ADAM7: variants seen among roughly 807,000 people sequenced by gnomAD.
The protein encoded by ADAM7 is ADAM metallopeptidase domain 7.
Under a neutral mutation model 102.9 loss-of-function variants are expected in ADAM7, and 97 were observed. The observed-to-expected ratio is 0.94, with a 90% confidence interval of 0.80 to 1.12. The LOEUF (loss-of-function observed/expected upper bound fraction) is 1.12, where lower values mean the gene tolerates loss of function less well. Ranked by LOEUF, ADAM7 falls within the 50% of genes most tolerant of loss-of-function variation. The pLI is 0.00. For missense variants in ADAM7, 991 were observed against 908.7 expected (o/e 1.09, Z -1.16); for synonymous variants, 334 against 304.4 (o/e 1.10, Z -1.01).
intron 15 of ADAM7, 98 bp from the exon 16 acceptor site, chr8:24,492,945 T>A: frequency 7.8e-7 from 1 of 1,275,998 alleles, no homozygotes; most frequent in Non-Finnish European, 1.1e-6. Context: ...GCAAGAAACC[T>A]GGATCTAGAA....
At chr8:24,506,211 T>A in intron 20 of ADAM7, 1 of 1,338,582 alleles carries the variant, frequency 7.5e-7, no homozygotes, top group Non-Finnish European at 1.0e-6. Context: ...CCAATAATAA[T>A]TTTCATGAAA....
Position 24,492,539 on chromosome 8 carries a change from G to A in ADAM7, c.1597G>A (p.Gly533Arg), listed in dbSNP as rs1275917964. Residue 533 changes from glycine to arginine, a missense_variant, in exon 15 of 22, where the codon GGA (glycine) becomes AGA (arginine). Coordinates refer to ENST00000175238, the MANE Select transcript of ADAM7 (RefSeq NM_003817.4). ...HDICYKMNTK[G>R]NKFGYCKNKE... ...TATCTGCTACAAGATGAATACAAAA[G>A]GAAATAAATTTGGATACTGCAAAAA... 1.9e-6 allele frequency: 3 copies of A among 1,612,622 alleles called. No homozygotes were observed. The highest frequency in any genetic ancestry group is 1.7e-4 in the Middle Eastern group (1 of 6,004).
At chr8:24,469,581 A>G (rs1176135723) in intron 7 of ADAM7, among the ~76,000 whole-genome samples, 3 of 152,158 alleles carry the variant, frequency 2.0e-5, no homozygotes, top group Admixed American at 6.6e-5. Flanking sequence ...CAATAATCCA[A>G]GATAAAATGA....
chr8:24,493,260 C>T, intron 16 of ADAM7, 31 bp downstream of exon 16: 2 of 1,533,238 alleles, frequency 1.3e-6, no homozygotes, highest in Non-Finnish European at 1.7e-6. Flanking sequence ...TTTATTAAAA[C>T]TTCTTAGTTC....
At position 24,500,824 on chromosome 8, in the gene ADAM7, TA is replaced by T; in HGVS notation, c.2038del (p.Ile680LeufsTer10). 4 of 1,613,488 alleles carry T rather than the reference TA, an allele frequency of 2.5e-6. No homozygotes were observed. Among genetic ancestry groups the T allele is most frequent in the Non-Finnish European group, 3.4e-6 (4 of 1,179,568 alleles). ...TILVVVLVLV[I>X]VGIGVLILLV... The stretch of plus-strand genomic sequence containing the variant: ...TCTTGGTTGTTGTGCTTGTCCTGGT[TA>T]TTGTCGGTATCGGAGTTCTTATACT... On this transcript the variant is annotated frameshift_variant, in exon 19 of 22. Transcript: ENST00000175238. LOFTEE classifies it high-confidence loss of function.
chr8:24,462,521 C>A (rs1819279499), intron 3 of ADAM7, among the ~76,000 whole-genome samples: 1 of 152,210 alleles, frequency 6.6e-6, no homozygotes, highest in Non-Finnish European at 1.5e-5. Context: ...ACCTCTCATG[C>A]TGTGCCTTCT....
At chr8:24,498,984 G>A (rs1820652347) in intron 16 of ADAM7, among the ~76,000 whole-genome samples, 1 of 151,860 alleles carries the variant, frequency 6.6e-6, no homozygotes, top group Non-Finnish European at 1.5e-5. Flanking sequence ...TAACTAATGA[G>A]TTTAAAATAT....
intron 3 of ADAM7, among the ~76,000 whole-genome samples, chr8:24,449,425 G>A (rs1261885809): frequency 6.6e-6 from 1 of 152,128 alleles, no homozygotes; most frequent in Non-Finnish European, 1.5e-5. Context: ...ATTTTTTCAT[G>A]TGTTTTTTGG....
Position 24,467,011 on chromosome 8 carries a change from T to A in ADAM7, c.579+23T>A, listed in dbSNP as rs183779862. On this transcript the variant is annotated intron_variant, in intron 6 of 21. Coordinates refer to ENST00000175238, the MANE Select transcript of ADAM7 (RefSeq NM_003817.4). ...AAAGTGAGTACTTTATTATTATCTT[T>A]ACCCCAAATGAAACACCTTTTATTT... is the stretch of plus-strand genomic sequence containing the variant. 298 of 1,589,158 alleles carry A rather than the reference T, an allele frequency of 1.9e-4. 1 individual carries two copies. In the African/African-American group the frequency reaches 2.3e-3, roughly 12 times the overall value.
At chr8:24,504,398 C>T (rs192532743) in intron 20 of ADAM7, among the ~76,000 whole-genome samples, 1 of 151,146 alleles carries the variant, frequency 6.6e-6, no homozygotes, top group African/African-American at 2.4e-5. Flanking sequence ...ACAATCAAGA[C>T]AAAACCTGTA....
chr8:24,445,166 A>G (rs1429836751), intron 2 of ADAM7, among the ~76,000 whole-genome samples: 1 of 152,168 alleles, frequency 6.6e-6, no homozygotes, highest in Non-Finnish European at 1.5e-5. Context: ...GCATGTACAC[A>G]TACATGCAGA....
chr8:24,450,088 C>G (rs1223174454), intron 3 of ADAM7, among the ~76,000 whole-genome samples: 1 of 152,098 alleles, frequency 6.6e-6, no homozygotes, highest in Non-Finnish European at 1.5e-5. Flanking sequence ...TAGCATGATG[C>G]CTCCAGCTTT....
In ADAM7 at chr8:24,492,571, AAAC is replaced by A. The variant is rs754215774; in HGVS notation, c.1631_1633del (p.Asn544del). 1.2e-6 allele frequency: 2 copies of A among 1,613,012 alleles called. No homozygotes were observed. Among genetic ancestry groups the A allele is most frequent in the Non-Finnish European group, 1.7e-6 (2 of 1,179,324 alleles). ...AATTTGGATACTGCAAAAACAAGGA[AAAC>A]AGATTTCTTCCCTGTGAGGAGAAGT... is the stretch of plus-strand genomic sequence containing the variant. On this transcript the variant is annotated inframe_deletion, in exon 15 of 22. Coordinates refer to ENST00000175238, the MANE Select transcript of ADAM7 (RefSeq NM_003817.4).
intron 6 of ADAM7, 138 bp downstream of exon 6, chr8:24,467,126 T>C (rs1819453937): frequency 2.4e-6 from 2 of 842,744 alleles, no homozygotes; most frequent in Non-Finnish European, 1.8e-6. Context: ...TATTTGAAAT[T>C]GGAAAATTTT....
chr8:24,469,162 G>A (rs140155436), intron 7 of ADAM7, among the ~76,000 whole-genome samples: 1 of 152,146 alleles, frequency 6.6e-6, no homozygotes, highest in Non-Finnish European at 1.5e-5. Context: ...TCAGAACAGT[G>A]AGTAAAATTT....
chr8:24,493,099 G>A lies in ADAM7; in HGVS notation c.1712G>A (p.Gly571Glu). ...CTGGELSSLL[G>E]EDKTYHLKDP... ...GGAGGGGAGCTTTCCTCTCTCCTTG[G>A]AGAAGACAAGACTTATCACCTTAAG... is the stretch of plus-strand genomic sequence containing the variant. Residue 571 changes from glycine (G) to glutamate (E), a missense_variant, in exon 16 of 22, where the codon GGA becomes GAA. Gly to Glu is a moderately conservative substitution (Grantham distance 98, BLOSUM62 -2). Transcript: ENST00000175238. The A allele has an allele frequency of 1.2e-6, 2 of 1,612,082 alleles. No individual in the cohort carries two copies. The highest frequency in any genetic ancestry group is 1.7e-6 in the Non-Finnish European group (2 of 1,179,128).
chr8:24,505,014 T>A (rs1820902148), intron 20 of ADAM7, among the ~76,000 whole-genome samples: 2 of 152,178 alleles, frequency 1.3e-5, no homozygotes, highest in Admixed American at 6.5e-5. Flanking sequence ...AGAAACCGCA[T>A]GATGCTAATG....
intron 3 of ADAM7, among the ~76,000 whole-genome samples, chr8:24,452,784 G>A (rs1407219312): frequency 6.6e-6 from 1 of 151,742 alleles, no homozygotes; most frequent in African/African-American, 2.4e-5. Context: ...TGCAGTGGCT[G>A]GTACCAGTTG....
At chr8:24,474,342 A>T (rs530084288) in intron 7 of ADAM7, among the ~76,000 whole-genome samples, 79 of 152,306 alleles carry the variant, frequency 5.2e-4, no homozygotes, top group African/African-American at 1.6e-3. Flanking sequence ...GTTATTAAAG[A>T]CCAAGAATAG....
Sources: allele counts gnomAD v4.1 joint callset (sites outside exome capture counted in the v4.1 genomes callset), GRCh38; gene constraint gnomAD v4.1.1; transcripts MANE v1.5; gene names NCBI Gene and HGNC (gene_info 2026-07-23, HGNC 2026-07-21).